CELF2: variants seen among roughly 807,000 people sequenced by gnomAD.
CELF2 encodes the protein CUGBP Elav-like family member 2.
Under a neutral mutation model 62.6 loss-of-function variants are expected in CELF2, and 8 were observed. The ratio of observed to expected loss-of-function variants is 0.13; its 90% CI spans 0.07 to 0.23. The LOEUF (loss-of-function observed/expected upper bound fraction) is 0.23. CELF2 is among the 10% of genes least tolerant of loss of function. The probability of loss-of-function intolerance (pLI) is 1.00; values close to 1 mark genes in which losing one functional copy is unlikely to be tolerated. For synonymous variants in CELF2, 258 were observed against 250.0 expected, an observed-to-expected ratio of 1.03 and a Z score of -0.30; for missense variants, 333 against 671.0, an observed-to-expected ratio of 0.50 and a Z score of 5.56.
At chr10:11,261,941 A>G (rs2138110123) in intron 5 of CELF2, among the ~76,000 whole-genome samples, 1 of 152,182 alleles carries the variant, frequency 6.6e-6, no homozygotes, top group South Asian at 2.1e-4. Context: ...ACTCTCACTT[A>G]CCCACAATCC....
intron 4 of CELF2, among the ~76,000 whole-genome samples, chr10:11,254,990 T>G (rs2078260193): frequency 6.6e-6 from 1 of 152,110 alleles, no homozygotes; most frequent in Non-Finnish European, 1.5e-5. Context: ...CCCACCAGAA[T>G]CCTCCCATGT....
At chr10:10,593,600 G>T in the CELF2 span, among the ~76,000 whole-genome samples, 1 of 152,194 alleles carries the variant, frequency 6.6e-6, no homozygotes, top group Non-Finnish European at 1.5e-5. Context: ...AATATCACAG[G>T]CCAGTATTCT....
intron 1 of CELF2, chr10:11,018,834 GATTTAAT>G (rs1315178287): frequency 6.6e-6 from 1 of 152,292 alleles, no homozygotes; most frequent in East Asian, 1.9e-4. Flanking sequence ...CCGCTCATCT[GATTTAAT>G]ATTTGCAAAG....
chr10:10,570,084 T>C, the CELF2 span, among the ~76,000 whole-genome samples: 1 of 152,146 alleles, frequency 6.6e-6, no homozygotes, highest in African/African-American at 2.4e-5. Flanking sequence ...CCTCCCACAT[T>C]GAGGTGTCAT....
chr10:11,139,825 GACC>G (rs2061017416), intron 1 of CELF2, among the ~76,000 whole-genome samples: 1 of 150,860 alleles, frequency 6.6e-6, no homozygotes, highest in African/African-American at 2.4e-5. Flanking sequence ...CCCTAAAGTA[GACC>G]ACATCATTCA....
intron 9 of CELF2, among the ~76,000 whole-genome samples, chr10:11,301,341 T>C (rs1173622366): frequency 6.7e-6 from 1 of 149,948 alleles, no homozygotes; most frequent in African/African-American, 2.5e-5. Context: ...GGAGCCCCTA[T>C]GCGGGCCCTG....
At chr10:10,627,722 T>A in the CELF2 span, among the ~76,000 whole-genome samples, 1 of 152,202 alleles carries the variant, frequency 6.6e-6, no homozygotes, top group Non-Finnish European at 1.5e-5. Flanking sequence ...CTCCTGGCTC[T>A]TTTGAGCACA....
the CELF2 span, among the ~76,000 whole-genome samples, chr10:10,602,881 G>A: frequency 1.3e-5 from 2 of 152,092 alleles, no homozygotes; most frequent in Non-Finnish European, 2.9e-5. Flanking sequence ...AATCATGGGT[G>A]TATAATTCAC....
the CELF2 span, among the ~76,000 whole-genome samples, chr10:10,677,838 G>T: frequency 5.1e-4 from 78 of 152,286 alleles, no homozygotes; most frequent in Non-Finnish European, 9.4e-4. Context: ...TGCTCAGTTG[G>T]CAAGAACAAG....
Position 11,329,119 on chromosome 10 carries a change from G to A in CELF2, c.*66G>A. 6.0e-6 allele frequency: 9 copies of A among 1,509,162 alleles called. No individual in the cohort carries two copies. Among genetic ancestry groups the A allele is most frequent in the Non-Finnish European group, 8.1e-6 (9 of 1,115,450 alleles). The allele number at this position is 1,509,162 out of a possible 1,614,324, so 93.5% of individuals were successfully genotyped here. On this transcript the variant is annotated 3_prime_UTR_variant, in exon 13 of 13. Coordinates refer to ENST00000633077, the MANE Select transcript of CELF2 (RefSeq NM_001326342.2). The surrounding 1 kb of genome is among the most constrained non-coding windows in gnomAD (Gnocchi z 5.5). ...TAGGGTAAGTCCCACGAGCCAGCCT[G>A]TCTCAACAGGGAAGGCAGAGGAGGA... is the stretch of plus-strand genomic sequence containing the variant.
chr10:10,910,779 G>A (rs569709659), intron 1 of CELF2, among the ~76,000 whole-genome samples: 8 of 151,248 alleles, frequency 5.3e-5, no homozygotes, highest in Admixed American at 1.3e-4. Flanking sequence ...CTGTTTTTTC[G>A]GTTTTTGCTT....
the CELF2 span, among the ~76,000 whole-genome samples, chr10:10,660,495 C>G: frequency 6.6e-6 from 1 of 152,170 alleles, no homozygotes; most frequent in Non-Finnish European, 1.5e-5. Flanking sequence ...TTCCTAGCAC[C>G]CCCAGATGGA....
rs572946023 is a variant in CELF2 at position 11,033,070 on chromosome 10, G to A, written c.74+14907G>A. 1.6e-4 allele frequency among the ~76,000 whole-genome samples: 25 copies of A among 152,220 alleles called. 1 individual carries two copies. The East Asian group carries it at 4.3e-3, about 26-fold the overall frequency. ...CTGAGTAATACAGTGCATCGACAAGGGTGTTTTCATTGTTTGTGTAAATGA... is the reference window on the plus strand; with the variant it reads ...CTGAGTAATACAGTGCATCGACAAGAGTGTTTTCATTGTTTGTGTAAATGA... On this transcript the variant is annotated intron_variant, in intron 1 of 12. Transcript: ENST00000633077.
intron 9 of CELF2, among the ~76,000 whole-genome samples, chr10:11,307,442 G>A (rs1292331878): frequency 6.6e-6 from 1 of 152,208 alleles, no homozygotes; most frequent in Non-Finnish European, 1.5e-5. Flanking sequence ...ATGAAAGTGG[G>A]GAAAAGTGTT....
chr10:10,893,036 G>C (rs1460745088), intron 1 of CELF2, among the ~76,000 whole-genome samples: 2 of 152,070 alleles, frequency 1.3e-5, no homozygotes, highest in South Asian at 2.1e-4. Flanking sequence ...CTTAACACTG[G>C]TTTCTTGTGG....
chr10:11,023,016 G>A (rs1015861638), intron 1 of CELF2, among the ~76,000 whole-genome samples: 4 of 152,194 alleles, frequency 2.6e-5, no homozygotes, highest in African/African-American at 9.7e-5. Flanking sequence ...GTTCAATGCT[G>A]CACTTTACCC....
In CELF2 at chr10:11,165,780, G is replaced by A. The variant is rs1215674806; in HGVS notation, c.271+98G>A. 41 of 1,180,682 alleles carry A rather than the reference G, an allele frequency of 3.5e-5. No individual in the cohort carries two copies. Among genetic ancestry groups the A allele is most frequent in the Non-Finnish European group, 4.4e-5 (38 of 856,806 alleles). 73.1% of individuals were successfully genotyped at this position (1,180,682 alleles called of 1,614,324 possible). On this transcript the variant is annotated intron_variant, in intron 2 of 12. Transcript: ENST00000633077. The surrounding 1 kb of genome is among the most constrained non-coding windows in gnomAD (Gnocchi z 7.4). ...CAGCCTGCAGGAGGAAGGGCGGGTA[G>A]GCAGGAGGGCTGGAAGCAGCCGGTG...
At chr10:11,192,813 C>T (rs981269793) in intron 2 of CELF2, among the ~76,000 whole-genome samples, 1 of 152,170 alleles carries the variant, frequency 6.6e-6, no homozygotes, top group South Asian at 2.1e-4. Context: ...TGTCCCAACC[C>T]CACCCTCAGG....
chr10:10,838,117 C>T (rs1025944071), intron 1 of CELF2, among the ~76,000 whole-genome samples: 4 of 152,142 alleles, frequency 2.6e-5, no homozygotes, highest in Non-Finnish European at 5.9e-5. Context: ...GTTGCTTAGA[C>T]CTCCCTTGGT....
Sources: allele counts gnomAD v4.1 joint callset (sites outside exome capture counted in the v4.1 genomes callset), GRCh38; gene constraint gnomAD v4.1.1; non-coding constraint Gnocchi (gnomAD v3.1); transcripts MANE v1.5; gene names NCBI Gene and HGNC (gene_info 2026-07-23, HGNC 2026-07-21).